SPON1: variants seen among roughly 807,000 people sequenced by gnomAD.
The protein encoded by SPON1 is spondin 1.
SPON1 carries 52 observed loss-of-function variants against 111.7 expected under a neutral mutation model. The observed-to-expected ratio is 0.47, with a 90% CI of 0.37 to 0.59. The LOEUF (loss-of-function observed/expected upper bound fraction) is 0.59, where lower values mean the gene tolerates loss of function less well. Among genes scored for constraint, SPON1 ranks in the 20% least tolerant of loss-of-function variants. The probability of loss-of-function intolerance (pLI) is 0.00; values close to 1 mark genes in which losing one functional copy is unlikely to be tolerated. For missense variants in SPON1, 957 were observed against 1,068.5 expected (o/e 0.90, Z 1.46); for synonymous variants, 410 against 395.8 (o/e 1.04, Z -0.43).
At chr11:14,075,861 C>T (rs560061363) in intron 4 of SPON1, among the ~76,000 whole-genome samples, 1 of 152,174 alleles carries the variant, frequency 6.6e-6, no homozygotes, top group African/African-American at 2.4e-5. Context: ...GATGGGGATG[C>T]CAAGGGGGTG....
At chr11:13,989,398 C>T (rs1848210140) in intron 2 of SPON1, among the ~76,000 whole-genome samples, 1 of 152,044 alleles carries the variant, frequency 6.6e-6, no homozygotes, top group Non-Finnish European at 1.5e-5. Context: ...AGTGATATCC[C>T]CTATATCATT....
chr11:14,012,416 T>C (rs1009839801), intron 2 of SPON1, among the ~76,000 whole-genome samples: 2 of 152,090 alleles, frequency 1.3e-5, no homozygotes, highest in African/African-American at 4.8e-5. Context: ...GTGAGATACA[T>C]TGGAGAACCA....
At chr11:13,965,635 T>C (rs1302983978) in intron 1 of SPON1, among the ~76,000 whole-genome samples, 1 of 152,186 alleles carries the variant, frequency 6.6e-6, no homozygotes, top group Non-Finnish European at 1.5e-5. Context: ...TCCCTTCTTA[T>C]GGCTAAAAGA....
intron 6 of SPON1, among the ~76,000 whole-genome samples, chr11:14,181,108 A>G (rs1848231525): frequency 6.6e-6 from 1 of 152,200 alleles, no homozygotes; most frequent in Non-Finnish European, 1.5e-5. Context: ...TCCTATAGGC[A>G]TGAACTCCAG....
intron 6 of SPON1, among the ~76,000 whole-genome samples, chr11:14,156,249 G>A (rs1253207677): frequency 1.4e-5 from 2 of 146,940 alleles, no homozygotes; most frequent in Admixed American, 7.0e-5. Context: ...GGCCGTGATG[G>A]TGAGCATTTT....
chr11:14,011,448 A>G (rs1554913734), intron 2 of SPON1, among the ~76,000 whole-genome samples: 1 of 151,282 alleles, frequency 6.6e-6, no homozygotes, highest in Non-Finnish European at 1.5e-5. Context: ...GATTTCTCCA[A>G]CCTTCTGAGG....
At chr11:14,022,957 A>G (rs2133804509) in intron 2 of SPON1, among the ~76,000 whole-genome samples, 1 of 152,306 alleles carries the variant, frequency 6.6e-6, no homozygotes, top group African/African-American at 2.4e-5. Flanking sequence ...GCATATCTAA[A>G]TTTGTTCCTC....
At chr11:14,090,571 G>T (rs1849042710) in intron 5 of SPON1, among the ~76,000 whole-genome samples, 1 of 152,156 alleles carries the variant, frequency 6.6e-6, no homozygotes, top group African/African-American at 2.4e-5. Flanking sequence ...CCTTTGTGGT[G>T]AGTGTTACAG....
intron 1 of SPON1, among the ~76,000 whole-genome samples, chr11:13,980,640 T>C (rs1181258641): frequency 6.6e-6 from 1 of 152,180 alleles, no homozygotes. Flanking sequence ...TTTTCAAGAC[T>C]AAAACTAGTT....
chr11:14,018,910 C>T lies in SPON1; in HGVS notation c.346-22611C>T, dbSNP rs74691161. Among the ~76,000 whole-genome samples the T allele has an allele frequency of 2.0e-4, 30 of 152,298 alleles. 1 individual carries two copies. In the East Asian group the frequency reaches 5.6e-3, roughly 28 times the overall value. ...AAGAGCCTGGTAATAGCAGCCAGCA[C>T]TTGTAAGCATTTACTGCAAGCCAGG... On this transcript the variant is annotated intron_variant, in intron 2 of 15. Transcript: ENST00000576479.
At chr11:14,104,298 A>G (rs1423231956) in intron 5 of SPON1, among the ~76,000 whole-genome samples, 1 of 149,038 alleles carries the variant, frequency 6.7e-6, no homozygotes, top group Non-Finnish European at 1.5e-5. Context: ...ATGTTCTTCC[A>G]TTTTACTTTT....
At chr11:14,204,922 C>G (rs1165431939) in intron 6 of SPON1, among the ~76,000 whole-genome samples, 1 of 150,496 alleles carries the variant, frequency 6.6e-6, no homozygotes, top group East Asian at 2.0e-4. Context: ...CTCCTGACCT[C>G]GTGATCCACC....
At chr11:14,001,816 C>T (rs145020624) in intron 2 of SPON1, among the ~76,000 whole-genome samples, 128 of 151,882 alleles carry the variant, frequency 8.4e-4, no homozygotes, top group African/African-American at 2.9e-3. Context: ...ATGTAACATA[C>T]GTATAATGGG....
chr11:14,147,338 C>T (rs1847733462), intron 6 of SPON1, among the ~76,000 whole-genome samples: 1 of 150,770 alleles, frequency 6.6e-6, no homozygotes, highest in African/African-American at 2.4e-5. Flanking sequence ...CTGGCTGGAA[C>T]CATTTTTATA....
chr11:14,152,770 G>A (rs1056179825), intron 6 of SPON1, among the ~76,000 whole-genome samples: 4 of 152,160 alleles, frequency 2.6e-5, no homozygotes, highest in African/African-American at 9.7e-5. Context: ...ATGCATTCAA[G>A]AATCAATGCA....
intron 5 of SPON1, among the ~76,000 whole-genome samples, chr11:14,112,595 T>C (rs1849234504): frequency 6.6e-6 from 1 of 152,250 alleles, no homozygotes; most frequent in Non-Finnish European, 1.5e-5. Context: ...ATATATTCAG[T>C]GTTATATACT....
intron 5 of SPON1, among the ~76,000 whole-genome samples, chr11:14,093,771 A>G (rs1849077417): frequency 6.6e-6 from 1 of 152,234 alleles, no homozygotes. Context: ...GAGTATGTAT[A>G]TCACATTTGA....
chr11:14,045,894 AT>A (rs1554917784), intron 3 of SPON1, among the ~76,000 whole-genome samples: 1 of 152,022 alleles, frequency 6.6e-6, no homozygotes, highest in Non-Finnish European at 1.5e-5. Flanking sequence ...TCCTTTATGA[AT>A]TTTGATTTTA....
intron 5 of SPON1, among the ~76,000 whole-genome samples, chr11:14,108,922 T>C (rs538604061): frequency 9.9e-5 from 15 of 152,228 alleles, no homozygotes; most frequent in African/African-American, 3.1e-4. Flanking sequence ...TCTCTCTCTA[T>C]GTATCCTAGG....
Sources: gnomAD v4.1 joint callset for allele counts (sites outside exome capture counted in the v4.1 genomes callset) on GRCh38, gnomAD v4.1.1 for gene constraint, MANE v1.5 for transcripts, NCBI Gene and HGNC (gene_info 2026-07-23, HGNC 2026-07-21) for gene names.